The following TAOK2 variants were observed in gnomAD, a reference collection of about 807,000 sequenced individuals.
TAOK2 encodes serine/threonine-protein kinase TAO2.
TAOK2 carries 42 observed loss-of-function variants against 122.5 expected under a neutral mutation model. That is an observed-to-expected ratio of 0.34 (90% CI 0.27 to 0.44). The LOEUF is 0.44. Ranked by LOEUF, TAOK2 falls within the 20% of genes least tolerant of loss-of-function variation. TAOK2 has a pLI of 1.00. For missense variants in TAOK2, 1,264 were observed against 1,644.9 expected (o/e 0.77, Z 4.01); for synonymous variants, 704 against 677.6 (o/e 1.04, Z -0.61).
chr16:29,981,388 T>C, intron 8 of TAOK2: 1 of 598,032 alleles, frequency 1.7e-6, no homozygotes, highest in South Asian at 2.0e-5. Context: ...GTTGGGGTGA[T>C]AACTGAATGG....
rs1426513389 is a variant in TAOK2 at position 29,986,794 on chromosome 16, G to T, written c.2522G>T (p.Gly841Val). Residue 841 changes from glycine (G) to valine (V), a missense_variant, in exon 16 of 16, where the codon GGT (glycine) becomes GTT (valine). Transcript: ENST00000308893. This position sits in a 1 kb window ranked among gnomAD's most constrained non-coding sequence, Gnocchi z 4.2. Reference sequence around the variant, plus strand: ...AGCCTGGTTGATGAGGAAGTTTGGGGTCTGCCTGAGGAGATAGAGGAGCTT... The same window carrying T: ...AGCCTGGTTGATGAGGAAGTTTGGGTTCTGCCTGAGGAGATAGAGGAGCTT... ...HGSLVDEEVW[G>V]LPEEIEELRV... 11 of 1,613,720 alleles carry T rather than the reference G, an allele frequency of 6.8e-6. No homozygotes were observed. The Admixed American group carries it at 1.5e-4, about 22-fold the overall frequency.
At chr16:29,977,686 C>A in intron 1 of TAOK2, 52 bp from the exon 2 acceptor site, 1 of 1,525,836 alleles carries the variant, frequency 6.6e-7, no homozygotes, top group Non-Finnish European at 8.8e-7. Context: ...GTCCCTTCCT[C>A]TCCCTGAAGG....
rs774381953 is a variant in TAOK2, at chr16:29,983,606, G to A, written c.1364G>A (p.Arg455His). ...PAPTSTTSSA[R>H]RRAYCRNRDH... ...CCCACTTCCACCACCTCTTCCGCCC[G>A]CCGCCGGGCCTACTGCCGTAACCGA... The change falls in exon 13 of 16, where the codon CGC becomes CAC. Residue 455 changes from arginine (R) to histidine (H), a missense_variant. Coordinates refer to ENST00000308893, the MANE Select transcript of TAOK2 (RefSeq NM_016151.4). The A allele has an allele frequency of 3.3e-5, 53 of 1,613,478 alleles. No homozygotes were observed. The highest frequency in any genetic ancestry group is 2.5e-4 in the East Asian group (11 of 44,884).
chr16:29,990,526 T>G, downstream of TAOK2: 2 of 315,180 alleles, frequency 6.3e-6, no homozygotes. Context: ...ACCCATCCCT[T>G]ATTGGTGGAC....
At chr16:29,989,538 T>C (rs2069916086), downstream of TAOK2, 1 of 1,604,580 alleles carries the variant, frequency 6.2e-7, no homozygotes, top group African/African-American at 1.3e-5. Flanking sequence ...CTTCCTCCTC[T>C]TCCTCCTCCT....
chr16:29,986,700 G>A lies in TAOK2; in HGVS notation c.2428G>A (p.Glu810Lys). 6.2e-7 allele frequency: 1 copy of A among 1,613,918 alleles called. No homozygotes were observed. Among genetic ancestry groups the A allele is most frequent in the South Asian group, 1.1e-5 (1 of 91,040 alleles). Residue 810 changes from glutamate to lysine, a missense_variant, in exon 16 of 16, where the codon GAG becomes AAG. By Grantham distance (56) the Glu-to-Lys change is moderately conservative. This residue lies in a region of TAOK2 where 824 missense variants were observed against 908.7 expected (regional missense o/e 0.91). Coordinates refer to ENST00000308893, the MANE Select transcript of TAOK2 (RefSeq NM_016151.4). The surrounding 1 kb of genome is among the most constrained non-coding windows in gnomAD (Gnocchi z 4.2). Reference protein sequence around the residue: ...RILGKEGATLEPKQQRILGEE... With the variant: ...RILGKEGATLKPKQQRILGEE... ...TCTGGGAAAGGAAGGGGCCACTTTG[G>A]AGCCCAAGCAGCAGAGGATTCTGGG...
At chr16:29,977,130 A>T (rs2069479600) in intron 1 of TAOK2, among the ~76,000 whole-genome samples, 1 of 152,174 alleles carries the variant, frequency 6.6e-6, no homozygotes, top group African/African-American at 2.4e-5. Flanking sequence ...AGGCCCTCAT[A>T]GCCAGATGCC....
chr16:29,986,317 G>A lies in TAOK2; in HGVS notation c.2045G>A (p.Arg682Gln), dbSNP rs759519804. The A allele has an allele frequency of 4.5e-6, 7 of 1,558,680 alleles. No individual in the cohort carries two copies. Among genetic ancestry groups the A allele is most frequent in the Non-Finnish European group, 6.1e-6 (7 of 1,151,102 alleles). Residue 682 changes from arginine (R) to glutamine (Q), a missense_variant, in exon 16 of 16, where the codon CGG (arginine) becomes CAG (glutamine). Physicochemically the swap from Arg to Gln is conservative, Grantham distance 43. Transcript: ENST00000308893. The surrounding 1 kb of genome is among the most constrained non-coding windows in gnomAD (Gnocchi z 4.2). ...QKDLECALLL[R>Q]QHEATRELEL... The stretch of plus-strand genomic sequence containing the variant: ...GACTTGGAGTGTGCACTGCTGCTTC[G>A]GCAGCACGAGGCCACGCGGGAGCTG...
downstream of TAOK2, chr16:29,989,072 A>G (rs1385038532): frequency 1.0e-6 from 1 of 984,952 alleles, no homozygotes; most frequent in Non-Finnish European, 1.2e-6. Flanking sequence ...GAGCTGCTGG[A>G]CCTGGGACTT....
Position 29,985,618 on chromosome 16 carries a change from C to T in TAOK2, c.1788+40C>T. The T allele has an allele frequency of 6.2e-7, 1 of 1,604,358 alleles. No individual in the cohort carries two copies. Among genetic ancestry groups the T allele is most frequent in the South Asian group, 1.1e-5 (1 of 90,606 alleles). On this transcript the variant is annotated intron_variant, in intron 14 of 15. Coordinates refer to ENST00000308893, the MANE Select transcript of TAOK2 (RefSeq NM_016151.4). The surrounding 1 kb of genome is among the most constrained non-coding windows in gnomAD (Gnocchi z 6.9). ...CTTGGGGGCGGAGCCGATGGCGAGC[C>T]AGGTGGGTCCTGACCCTGCTTCCCT...
intron 1 of TAOK2, among the ~76,000 whole-genome samples, chr16:29,975,652 CTGGATTCCTGAG>C (rs1406305262): frequency 6.6e-6 from 1 of 152,174 alleles, no homozygotes; most frequent in African/African-American, 2.4e-5. Flanking sequence ...AGGGTTTGGC[CTGGATTCCTGAG>C]AGGGCTCTCT....
In TAOK2 at chr16:29,986,537, A is replaced by G. The variant is rs746060857; in HGVS notation, c.2265A>G (p.Pro755=). The change falls in exon 16 of 16, where the codon CCA becomes CCG. Residue 755 remains proline (P), a synonymous_variant. Transcript: ENST00000308893. The surrounding 1 kb of genome is among the most constrained non-coding windows in gnomAD (Gnocchi z 4.2). ...VRAGQRPPGL[P]LPIPGALGPP... ...CAGGCCAGCGCCCCCCGGGCCTTCC[A>G]CTCCCCATTCCTGGGGCTCTGGGCC... 2 of 1,613,100 alleles carry G rather than the reference A, an allele frequency of 1.2e-6. No individual in the cohort carries two copies. Among genetic ancestry groups the G allele is most frequent in the Non-Finnish European group, 8.5e-7 (1 of 1,179,644 alleles).
In TAOK2 at chr16:29,987,366, C is replaced by T; in HGVS notation, c.3094C>T (p.Leu1032=). ...QGTALGAVLG[L]SWRRGLMGVP... is the part of the protein sequence containing the mutation. The stretch of plus-strand genomic sequence containing the variant: ...TACCGCACTGGGGGCCGTCCTGGGC[C>T]TGAGCTGGCGCCGAGGCCTCATGGG... Residue 1032 remains leucine (L), a synonymous_variant, in exon 16 of 16, where the codon CTG becomes TTG. Transcript: ENST00000308893. 6.3e-7 allele frequency: 1 copy of T among 1,595,058 alleles called. No individual in the cohort carries two copies. The highest frequency in any genetic ancestry group is 8.6e-7 in the Non-Finnish European group (1 of 1,169,410).
rs368824448 is a variant in TAOK2 at position 29,986,294 on chromosome 16, C to T, written c.2022C>T (p.Asp674=). 4.6e-6 allele frequency: 7 copies of T among 1,537,840 alleles called. No homozygotes were observed. The African/African-American group carries it at 6.9e-5, about 15-fold the overall frequency. ...TGAACAAGAAGCAGACCCAGAAGGACTTGGAGTGTGCACTGCTGCTTCGGC... is the reference window on the plus strand; with the variant it reads ...TGAACAAGAAGCAGACCCAGAAGGATTTGGAGTGTGCACTGCTGCTTCGGC... The part of the protein sequence containing the change: ...EDLNKKQTQK[D]LECALLLRQH... The change falls in exon 16 of 16, where the codon GAC becomes GAT. Residue 674 remains aspartate, a synonymous_variant. Transcript: ENST00000308893. This position sits in a 1 kb window ranked among gnomAD's most constrained non-coding sequence, Gnocchi z 4.2.
rs367652603 is a variant in TAOK2 at position 29,986,528 on chromosome 16, G to T, written c.2256G>T (p.Pro752=). The T allele has an allele frequency of 1.2e-6, 2 of 1,612,628 alleles. No individual in the cohort carries two copies. The highest frequency in any genetic ancestry group is 2.7e-5 in the African/African-American group (2 of 74,878). The change falls in exon 16 of 16, where the codon CCG becomes CCT. Residue 752 remains proline, a synonymous_variant. Coordinates refer to ENST00000308893, the MANE Select transcript of TAOK2 (RefSeq NM_016151.4). The surrounding 1 kb of genome is among the most constrained non-coding windows in gnomAD (Gnocchi z 4.2). ...AAGTACGTGCAGGCCAGCGCCCCCCGGGCCTTCCACTCCCCATTCCTGGGG... is the reference window on the plus strand; with the variant it reads ...AAGTACGTGCAGGCCAGCGCCCCCCTGGCCTTCCACTCCCCATTCCTGGGG... ...SLKVRAGQRP[P]GLPLPIPGAL... is the part of the protein sequence containing the mutation.
In TAOK2 at chr16:29,983,325, G is replaced by T. The variant is rs772522310; in HGVS notation, c.1253G>T (p.Arg418Leu). The T allele has an allele frequency of 1.3e-6, 2 of 1,596,508 alleles. No homozygotes were observed. The highest frequency in any genetic ancestry group is 2.7e-5 in the African/African-American group (2 of 74,862). ...ACCTCTCACAGCTCCATTATCCACC[G>T]GCTGCCGGTACACAGCTCACCCTTG... is the stretch of plus-strand genomic sequence containing the variant. ...TVTSHSSIIH[R>L]LPGSDNLYDD... Residue 418 changes from arginine (R) to leucine (L), a missense_variant, in exon 12 of 16, where the codon CGG becomes CTG. Coordinates refer to ENST00000308893, the MANE Select transcript of TAOK2 (RefSeq NM_016151.4).
In TAOK2 at chr16:29,988,320, C is replaced by A; in HGVS notation, c.*340C>A. 7.1e-7 allele frequency: 1 copy of A among 1,412,340 alleles called. No homozygotes were observed. Among genetic ancestry groups the A allele is most frequent in the Non-Finnish European group, 9.3e-7 (1 of 1,074,106 alleles). The allele number at this position is 1,412,340 out of a possible 1,614,324, so 87.5% of individuals were successfully genotyped here. A position where few individuals can be genotyped will look rare whatever the true frequency, so the allele number is the denominator to read the frequency against. The stretch of plus-strand genomic sequence containing the variant: ...CTCCTCTTTGATTTTGTTTTTCTGT[C>A]TCCCTTCCAACCTGTCCCCTTCCCC... On this transcript the variant is annotated 3_prime_UTR_variant, in exon 16 of 16. Transcript: ENST00000308893.
intron 1 of TAOK2, among the ~76,000 whole-genome samples, chr16:29,976,013 G>A (rs2069443090): frequency 6.6e-6 from 1 of 152,150 alleles, no homozygotes; most frequent in Admixed American, 6.5e-5. Context: ...AGATAACATT[G>A]TTCGTTTTGG....
chr16:29,987,170 G>T lies in TAOK2; in HGVS notation c.2898G>T (p.Leu966=), dbSNP rs992927200. 5 of 1,564,160 alleles carry T rather than the reference G, an allele frequency of 3.2e-6. No homozygotes were observed. The highest frequency in any genetic ancestry group is 2.0e-5 in the Admixed American group (1 of 50,046). The part of the protein sequence containing the change: ...SFAVGSSSGL[L]PLLLLLLLPL... ...CAGTGGGGTCCTCCTCTGGCCTCCT[G>T]CCCCTCCTGCTGCTGCTGCTGCTTC... Residue 966 remains leucine, a synonymous_variant, in exon 16 of 16, where the codon CTG becomes CTT. Coordinates refer to ENST00000308893, the MANE Select transcript of TAOK2 (RefSeq NM_016151.4).
Sources: gnomAD v4.1 joint callset for allele counts (sites outside exome capture counted in the v4.1 genomes callset) on GRCh38, gnomAD v4.1.1 for gene constraint, gnomAD v4.1.1 regional missense constraint, Gnocchi (gnomAD v3.1) non-coding constraint, MANE v1.5 for transcripts, NCBI Gene and HGNC (gene_info 2026-07-23, HGNC 2026-07-21) for gene names.